Variants in PPP2R2B observed in about 807,000 individuals in gnomAD.
The protein encoded by PPP2R2B is serine/threonine-protein phosphatase 2A 55 kDa regulatory subunit B beta isoform.
In PPP2R2B, 5 loss-of-function variants were observed where a neutral mutation model predicts 46.0. The observed-to-expected ratio is 0.11, with a 90% CI of 0.06 to 0.23. The LOEUF (loss-of-function observed/expected upper bound fraction) is 0.23, where lower values mean the gene tolerates loss of function less well. Ranked by LOEUF, PPP2R2B falls within the 10% of genes least tolerant of loss-of-function variation. The pLI is 1.00. For synonymous variants in PPP2R2B, 215 were observed against 206.7 expected, an observed-to-expected ratio of 1.04 and a Z score of -0.34; for missense variants, 367 against 575.0, an observed-to-expected ratio of 0.64 and a Z score of 3.70.
At chr5:146,706,974 GC>G in intron 2 of PPP2R2B, 1 of 1,008,176 alleles carries the variant, frequency 9.9e-7, no homozygotes, top group Middle Eastern at 2.9e-4. Flanking sequence ...GCCCTTCCAG[GC>G]AAGACTCCAG....
At chr5:147,070,891 A>G (rs888863878) in intron 2 of PPP2R2B, among the ~76,000 whole-genome samples, 1 of 152,056 alleles carries the variant, frequency 6.6e-6, no homozygotes, top group Non-Finnish European at 1.5e-5. Context: ...TTGCCAATGG[A>G]TGGTTTAGAA....
chr5:146,605,536 G>A (rs557082112), intron 7 of PPP2R2B, among the ~76,000 whole-genome samples: 6 of 152,244 alleles, frequency 3.9e-5, no homozygotes, highest in South Asian at 4.1e-4. Context: ...AGTTGACAAC[G>A]CAATTACCCT....
rs186031047 is a variant in PPP2R2B at position 146,981,420 on chromosome 5, A to T, written c.79+74245T>A. On this transcript the variant is annotated intron_variant, in intron 1 of 8. Transcript: ENST00000336640. ...GCAGTTTGAATCTATTACTTAAAGAATTTTTTTCTGGCTTTTATTGTTTTC... is the reference window on the plus strand; with the variant it reads ...GCAGTTTGAATCTATTACTTAAAGATTTTTTTTCTGGCTTTTATTGTTTTC... Among the ~76,000 whole-genome samples, 111 of 151,896 alleles carry T rather than the reference A, an allele frequency of 7.3e-4. 1 individual carries two copies. In the East Asian group the frequency reaches 0.018, roughly 24 times the overall value.
chr5:146,906,306 C>CATTT (rs35217325), intron 1 of PPP2R2B, among the ~76,000 whole-genome samples: 33,795 of 149,134 alleles, frequency 0.23, 3,982 homozygotes, highest in East Asian at 0.33. Flanking sequence ...TACCATTTTC[C>CATTT]ATTTATTTAT....
chr5:146,971,885 C>T (rs779310157), intron 1 of PPP2R2B, among the ~76,000 whole-genome samples: 46 of 152,160 alleles, frequency 3.0e-4, no homozygotes, highest in Admixed American at 5.9e-4. Flanking sequence ...ATTCCTTACT[C>T]AGTTTCCCCT....
chr5:146,724,190 T>C (rs1008446730), intron 2 of PPP2R2B, among the ~76,000 whole-genome samples: 12 of 152,136 alleles, frequency 7.9e-5, no homozygotes, highest in African/African-American at 2.9e-4. Context: ...GTTAAGCCCA[T>C]GGACTTAGGA....
intron 2 of PPP2R2B, among the ~76,000 whole-genome samples, chr5:146,788,770 T>TTTAAATA (rs1756006878): frequency 6.6e-6 from 1 of 152,102 alleles, no homozygotes; most frequent in African/African-American, 2.4e-5. Flanking sequence ...AAGGGTACTC[T>TTTAAATA]TTAAATATAA....
chr5:146,684,505 G>A (rs186606200), intron 5 of PPP2R2B, among the ~76,000 whole-genome samples: 2 of 152,244 alleles, frequency 1.3e-5, no homozygotes, highest in East Asian at 3.9e-4. Context: ...TTAGATACCT[G>A]GCCCCTCAGA....
Position 146,644,186 on chromosome 5 carries a change from C to CA in PPP2R2B, c.626-5772dup, listed in dbSNP as rs1215773575. On this transcript the variant is annotated intron_variant, in intron 6 of 9. Transcript: ENST00000394411. The stretch of plus-strand genomic sequence containing the variant: ...ATATCAATAAAAGAATATCGTAATG[C>CA]AAAAAAAAGTGGATTAGGAACCTGA... Among the ~76,000 whole-genome samples the CA allele has an allele frequency of 5.7e-4, 41 of 71,366 alleles. No homozygotes were observed. In the South Asian group the frequency reaches 0.012, roughly 21 times the overall value. 46.8% of individuals were successfully genotyped at this position (71,366 alleles called of 152,430 possible).
chr5:146,589,765 G>A lies in PPP2R2B; in HGVS notation c.*182C>T. On this transcript the variant is annotated 3_prime_UTR_variant, in exon 10 of 10. Transcript: ENST00000394411. ...AACAGAAGTGTCCCAAACCTATTGG[G>A]TTTGACAAAAGTTTCTTAGAACTGG... is the stretch of plus-strand genomic sequence containing the variant. 3.1e-6 allele frequency: 2 copies of A among 653,702 alleles called. No individual in the cohort carries two copies. The highest frequency in any genetic ancestry group is 2.6e-6 in the Non-Finnish European group (1 of 388,322). 40.5% of individuals were successfully genotyped at this position (653,702 alleles called of 1,614,324 possible). A position where few individuals can be genotyped will look rare whatever the true frequency, so the allele number is the denominator to read the frequency against.
At chr5:146,880,179 TTGTGTGTGTGTGTGTG>T (rs57151657), upstream of PPP2R2B, among the ~76,000 whole-genome samples, 39 of 138,246 alleles carry the variant, frequency 2.8e-4, no homozygotes, top group South Asian at 1.0e-3. Context: ...CATAGTTATT[TTGTGTGTGTGTGTGTG>T]TGTGTGTGTG....
At chr5:146,997,272 C>A (rs560789880) in intron 1 of PPP2R2B, among the ~76,000 whole-genome samples, 1 of 152,248 alleles carries the variant, frequency 6.6e-6, no homozygotes, top group African/African-American at 2.4e-5. Flanking sequence ...TCAGAGGGGC[C>A]CTTCTGATTC....
chr5:146,644,564 C>T (rs1031160495), intron 6 of PPP2R2B, among the ~76,000 whole-genome samples: 5 of 152,078 alleles, frequency 3.3e-5, no homozygotes, highest in East Asian at 3.9e-4. Flanking sequence ...AACCTCATCT[C>T]GATGGGTAAA....
At chr5:146,935,411 G>A (rs1764106750) in intron 1 of PPP2R2B, among the ~76,000 whole-genome samples, 1 of 152,130 alleles carries the variant, frequency 6.6e-6, no homozygotes, top group Non-Finnish European at 1.5e-5. Flanking sequence ...TGTTTATAAG[G>A]TACTCAGCTT....
chr5:147,017,421 C>A (rs1428724739), intron 1 of PPP2R2B, among the ~76,000 whole-genome samples: 2 of 151,426 alleles, frequency 1.3e-5, no homozygotes, highest in African/African-American at 4.8e-5. Context: ...GGGAGAGATT[C>A]GAGCTGGAGA....
At chr5:146,767,539 T>C (rs1014645584) in intron 2 of PPP2R2B, among the ~76,000 whole-genome samples, 13 of 150,544 alleles carry the variant, frequency 8.6e-5, no homozygotes, top group East Asian at 7.8e-4. Context: ...CACACATACA[T>C]ACACACACAC....
chr5:147,004,148 G>A (rs1580786025), intron 1 of PPP2R2B, among the ~76,000 whole-genome samples: 1 of 152,134 alleles, frequency 6.6e-6, no homozygotes, highest in Non-Finnish European at 1.5e-5. Flanking sequence ...AACAGAGCAG[G>A]CCAATCACCC....
chr5:146,828,148 C>T (rs1008230619), intron 2 of PPP2R2B, among the ~76,000 whole-genome samples: 1 of 152,006 alleles, frequency 6.6e-6, no homozygotes, highest in Admixed American at 6.6e-5. Flanking sequence ...ATGCATTATC[C>T]CATGAATTCT....
rs1461280670 is a variant in PPP2R2B at position 146,592,953 on chromosome 5, C to G, written c.1052+18G>C. The G allele has an allele frequency of 6.3e-7, 1 of 1,587,750 alleles. No individual in the cohort carries two copies. The highest frequency in any genetic ancestry group is 1.1e-5 in the South Asian group (1 of 90,482). The stretch of plus-strand genomic sequence containing the variant: ...AGACAATCTTTGGAAGGTTCTTCAG[C>G]CACAGAGCCTTTCTTACCTGTCTGA... On this transcript the variant is annotated intron_variant, in intron 9 of 9. Transcript: ENST00000394411.
Sources: allele counts gnomAD v4.1 joint callset (sites outside exome capture counted in the v4.1 genomes callset), GRCh38; gene constraint gnomAD v4.1.1; transcripts MANE v1.5; gene names NCBI Gene and HGNC (gene_info 2026-07-23, HGNC 2026-07-21).